UTRN: variants seen among roughly 807,000 people sequenced by gnomAD.
UTRN encodes the protein dystrophin-related protein 1.
Under a neutral mutation model 463.9 loss-of-function variants are expected in UTRN, and 283 were observed. The observed-to-expected ratio is 0.61, with a 90% CI of 0.55 to 0.67. The LOEUF is 0.67. UTRN is among the 30% of genes least tolerant of loss of function. The pLI is 0.00. For synonymous variants in UTRN, 1,442 were observed against 1,431.5 expected, an observed-to-expected ratio of 1.01 and a Z score of -0.17; for missense variants, 3,922 against 4,084.3, an observed-to-expected ratio of 0.96 and a Z score of 1.08.
At chr6:144,496,542 C>G (rs1410599627) in intron 33 of UTRN, among the ~76,000 whole-genome samples, 2 of 152,102 alleles carry the variant, frequency 1.3e-5, no homozygotes, top group African/African-American at 4.8e-5. Flanking sequence ...CCAATTGTGA[C>G]TATAATTTTA....
At chr6:144,777,479 A>C (rs1041536368) in intron 60 of UTRN, among the ~76,000 whole-genome samples, 1 of 152,238 alleles carries the variant, frequency 6.6e-6, no homozygotes, top group Admixed American at 6.5e-5. Context: ...TTACCCCATA[A>C]TTGTAAGAGG....
chr6:144,450,108 ACTAT>A (rs748944875), intron 17 of UTRN, among the ~76,000 whole-genome samples: 34 of 152,064 alleles, frequency 2.2e-4, no homozygotes, highest in Admixed American at 5.2e-4. Flanking sequence ...TCCCACTGTT[ACTAT>A]CTTAGTTGTG....
At chr6:144,586,085 G>A (rs1225573074) in intron 51 of UTRN, among the ~76,000 whole-genome samples, 1 of 152,016 alleles carries the variant, frequency 6.6e-6, no homozygotes, top group East Asian at 1.9e-4. Context: ...CTCTGTGGCA[G>A]CTCGTCTTTT....
rs1376714387 is a variant in UTRN at position 144,521,874 on chromosome 6, C to G, written c.5542-106C>G. 5 of 724,632 alleles carry G rather than the reference C, an allele frequency of 6.9e-6. No homozygotes were observed. In the African/African-American group the frequency reaches 9.2e-5, roughly 13 times the overall value. The allele number at this position is 724,632 out of a possible 1,614,324, so 44.9% of individuals were successfully genotyped here. On this transcript the variant is annotated intron_variant, in intron 39 of 74. Coordinates refer to ENST00000367545, the MANE Select transcript of UTRN (RefSeq NM_007124.3). ...AAAACTAAGTTTTAAAAATTTGGTT[C>G]ATGATATTGCATTCCTTCACACAAT...
At chr6:144,380,543 G>C (rs1562318753) in intron 2 of UTRN, among the ~76,000 whole-genome samples, 1 of 152,202 alleles carries the variant, frequency 6.6e-6, no homozygotes, top group Non-Finnish European at 1.5e-5. Flanking sequence ...CGGCATATTG[G>C]CTCATGCCTG....
At chr6:144,477,984 T>C (rs577050599) in intron 25 of UTRN, among the ~76,000 whole-genome samples, 1 of 152,158 alleles carries the variant, frequency 6.6e-6, no homozygotes, top group Non-Finnish European at 1.5e-5. Flanking sequence ...AATAAATATA[T>C]GGGAAATTTA....
In UTRN at chr6:144,540,144, T is replaced by C. The variant is rs1478773542; in HGVS notation, c.6519+701T>C. Among the ~76,000 whole-genome samples the C allele has an allele frequency of 2.0e-5, 3 of 152,214 alleles. No homozygotes were observed. The East Asian group carries it at 5.8e-4, about 29-fold the overall frequency. ...TTTCAATGATTTTTTTCATTAAATA[T>C]ATATTTACTAGGTTCCAGTGAAATG... On this transcript the variant is annotated intron_variant, in intron 45 of 74. Transcript: ENST00000367545.
At chr6:144,328,329 C>T (rs953935139) in intron 2 of UTRN, among the ~76,000 whole-genome samples, 5 of 151,894 alleles carry the variant, frequency 3.3e-5, no homozygotes, top group Admixed American at 2.0e-4. Context: ...AACAAAGGAA[C>T]GATAACTTTT....
At chr6:144,815,744 C>T (rs981774696) in intron 65 of UTRN, among the ~76,000 whole-genome samples, 9 of 152,198 alleles carry the variant, frequency 5.9e-5, no homozygotes, top group Non-Finnish European at 1.0e-4. Context: ...TGGTACCCAC[C>T]GGGTTTGAGG....
At chr6:144,686,763 AC>A (rs1782804764) in intron 52 of UTRN, among the ~76,000 whole-genome samples, 1 of 151,996 alleles carries the variant, frequency 6.6e-6, no homozygotes, top group South Asian at 2.1e-4. Flanking sequence ...CTTCCACTTT[AC>A]CTTGAATCTA....
intron 51 of UTRN, among the ~76,000 whole-genome samples, chr6:144,592,637 G>C (rs1034664400): frequency 6.6e-6 from 1 of 152,126 alleles, no homozygotes; most frequent in Non-Finnish European, 1.5e-5. Context: ...CTAAAGTGCT[G>C]GGATTACAGG....
intron 65 of UTRN, among the ~76,000 whole-genome samples, chr6:144,803,952 T>C (rs1442509598): frequency 6.6e-6 from 1 of 152,124 alleles, no homozygotes; most frequent in Admixed American, 6.5e-5. Flanking sequence ...TATCACACTT[T>C]GTTAAAGTTT....
chr6:144,622,393 G>T (rs748884847), intron 51 of UTRN, among the ~76,000 whole-genome samples: 6 of 151,752 alleles, frequency 4.0e-5, no homozygotes, highest in Non-Finnish European at 8.8e-5. Context: ...TACCATGTTG[G>T]CCAGGCTGGT....
intron 2 of UTRN, among the ~76,000 whole-genome samples, chr6:144,323,997 A>C (rs2114590063): frequency 6.6e-6 from 1 of 152,332 alleles, no homozygotes; most frequent in East Asian, 1.9e-4. Flanking sequence ...ATTACTATCA[A>C]CAACATTTGT....
chr6:144,551,175 A>G lies in UTRN; in HGVS notation c.6928+93A>G, dbSNP rs1554813. On this transcript the variant is annotated intron_variant, in intron 48 of 74. Transcript: ENST00000367545. ...CACACACACACACACACACAAACAC[A>G]TTTTCAAAGATTATTCAACTAGAAA... The G allele has an allele frequency of 0.2, 142,603 of 730,404 alleles. 15,662 individuals carry two copies. Among genetic ancestry groups the G allele is most frequent in the African/African-American group, 0.35 (19,180 of 54,772 alleles). The allele number at this position is 730,404 out of a possible 1,614,324, so 45.2% of individuals were successfully genotyped here. A position where few individuals can be genotyped will look rare whatever the true frequency, so the allele number is the denominator to read the frequency against.
chr6:144,424,928 T>G (rs1452807303), intron 6 of UTRN, among the ~76,000 whole-genome samples: 1 of 152,198 alleles, frequency 6.6e-6, no homozygotes, highest in Non-Finnish European at 1.5e-5. Flanking sequence ...AATTATTGAT[T>G]ATTAAATATG....
rs1785214045 is a variant in UTRN at position 144,425,457 on chromosome 6, T to C, written c.406-830T>C. ...TGAGACTGTATAAATATTTAGTTTT[T>C]ATCAAACTTTTAGCACCCGTTCATA... On this transcript the variant is annotated intron_variant, in intron 6 of 74. Coordinates refer to ENST00000367545, the MANE Select transcript of UTRN (RefSeq NM_007124.3). Among the ~76,000 whole-genome samples, 3 of 152,222 alleles carry C rather than the reference T, an allele frequency of 2.0e-5. No homozygotes were observed. In the South Asian group the frequency reaches 6.2e-4, roughly 32 times the overall value.
intron 51 of UTRN, among the ~76,000 whole-genome samples, chr6:144,654,916 C>G (rs1779171942): frequency 6.6e-6 from 1 of 151,574 alleles, no homozygotes; most frequent in South Asian, 2.1e-4. Context: ...CCCTACCCCA[C>G]CCACCCATTT....
intron 65 of UTRN, among the ~76,000 whole-genome samples, chr6:144,807,465 C>T (rs1778244058): frequency 6.6e-6 from 1 of 151,796 alleles, no homozygotes; most frequent in African/African-American, 2.4e-5. Flanking sequence ...GATTTTTTGT[C>T]TTATTTCCCC....
Sources: allele counts gnomAD v4.1 joint callset (sites outside exome capture counted in the v4.1 genomes callset), GRCh38; gene constraint gnomAD v4.1.1; transcripts MANE v1.5; gene names NCBI Gene and HGNC (gene_info 2026-07-23, HGNC 2026-07-21).